Variants in EBI3 observed in about 807,000 individuals in gnomAD.
EBI3 encodes the protein Epstein-Barr virus induced 3.
In EBI3, 19 loss-of-function variants were observed where a neutral mutation model predicts 21.3. The observed-to-expected ratio is 0.89, with a 90% CI of 0.62 to 1.31. EBI3 has a LOEUF of 1.31. EBI3 is among the 50% of genes most tolerant of loss of function. EBI3 has a pLI of 0.00. For synonymous variants in EBI3, 154 were observed against 131.2 expected (o/e 1.17, Z -1.19); for missense variants, 331 against 314.0 (o/e 1.05, Z -0.41).
At chr19:4,232,241 A>G (rs28856901) in intron 2 of EBI3, among the ~76,000 whole-genome samples, 205 of 93,482 alleles carry the variant, frequency 2.2e-3, no homozygotes, top group East Asian at 5.7e-3. Flanking sequence ...AAAAAAAAAA[A>G]AAAAGAAAAG....
At chr19:4,233,814 C>T (rs1970813074) in intron 3 of EBI3, among the ~76,000 whole-genome samples, 1 of 152,212 alleles carries the variant, frequency 6.6e-6, no homozygotes, top group Admixed American at 6.5e-5. Context: ...GGAACACCTT[C>T]CCCCAAATGT....
At chr19:4,231,074 A>G in intron 1 of EBI3, 117 bp from the exon 2 acceptor site, 1 of 1,358,822 alleles carries the variant, frequency 7.4e-7, no homozygotes, top group Non-Finnish European at 9.7e-7. Context: ...GAAAGCCTTT[A>G]TTAGGCACCT....
At chr19:4,229,901 C>T (rs1461223586) in intron 1 of EBI3, among the ~76,000 whole-genome samples, 2 of 152,096 alleles carry the variant, frequency 1.3e-5, no homozygotes, top group Non-Finnish European at 2.9e-5. Context: ...GAATTTGAGT[C>T]ACACTCATTC....
rs1412418297 is a variant in EBI3 at position 4,234,702 on chromosome 19, C to A, written c.415C>A (p.Pro139Thr). The A allele has an allele frequency of 1.2e-6, 2 of 1,614,144 alleles. No homozygotes were observed. Among genetic ancestry groups the A allele is most frequent in the African/African-American group, 2.7e-5 (2 of 75,066 alleles). Residue 139 changes from proline to threonine, a missense_variant, in exon 4 of 5, where the codon CCC becomes ACC. By Grantham distance (38) the Pro-to-Thr change is conservative. Coordinates refer to ENST00000221847, the MANE Select transcript of EBI3 (RefSeq NM_005755.3). ...CCCTCCAGAAGGCGTGCGCCTAAGC[C>A]CCCTCGCTGAGCGCCAGCTACAGGT... ...PDPPEGVRLS[P>T]LAERQLQVQW...
chr19:4,231,335 TG>T lies in EBI3; in HGVS notation c.200+14del. ...ATTGCCACGTACAGGTCGGAGAGCC[TG>T]GAAGGGGGCCTCAGGGACACTGGAC... On this transcript the variant is annotated intron_variant, in intron 2 of 4. Coordinates refer to ENST00000221847, the MANE Select transcript of EBI3 (RefSeq NM_005755.3). 6.3e-7 allele frequency: 1 copy of T among 1,597,266 alleles called. No homozygotes were observed. Among genetic ancestry groups the T allele is most frequent in the Non-Finnish European group, 8.5e-7 (1 of 1,174,070 alleles).
At position 4,237,053 on chromosome 19, in the gene EBI3, C is replaced by A; in HGVS notation, c.655C>A (p.Leu219Ile). Residue 219 changes from leucine to isoleucine, a missense_variant, in exon 5 of 5, where the codon CTC (leucine) becomes ATC (isoleucine). Transcript: ENST00000221847. ...TDYGELSDWS[L>I]PATATMSLGK ...CTACGGGGAACTGAGTGACTGGAGTCTCCCCGCCACTGCCACAATGAGCCT... is the reference window on the plus strand; with the variant it reads ...CTACGGGGAACTGAGTGACTGGAGTATCCCCGCCACTGCCACAATGAGCCT... 6.5e-7 allele frequency: 1 copy of A among 1,543,954 alleles called. No individual in the cohort carries two copies. Among genetic ancestry groups the A allele is most frequent in the South Asian group, 1.2e-5 (1 of 81,350 alleles).
At chr19:4,234,605 G>T (rs1599488649) in intron 3 of EBI3, 62 bp from the exon 4 acceptor site, 1 of 1,563,016 alleles carries the variant, frequency 6.4e-7, no homozygotes, top group Non-Finnish European at 8.7e-7. Context: ...TTGAATGAAT[G>T]AGTGAATGAA....
chr19:4,236,818 T>G (rs1357168397), intron 4 of EBI3, 118 bp from the exon 5 acceptor site: 20 of 1,229,678 alleles, frequency 1.6e-5, no homozygotes, highest in South Asian at 2.1e-5. Flanking sequence ...GGGGCCAGAG[T>G]CCTGGACTGG....
intron 4 of EBI3, among the ~76,000 whole-genome samples, chr19:4,236,543 A>AAAAAAAAAAAAAAAAAAAC (rs869283945): frequency 6.7e-6 from 1 of 149,674 alleles, no homozygotes; most frequent in African/African-American, 2.5e-5. Flanking sequence ...AAAAAAAAAA[A>AAAAAAAAAAAAAAAAAAAC]GCATGGTTAA....
rs897696037 is a variant in EBI3 at position 4,234,957 on chromosome 19, C to A, written c.537+133C>A. On this transcript the variant is annotated intron_variant, in intron 4 of 4. Coordinates refer to ENST00000221847, the MANE Select transcript of EBI3 (RefSeq NM_005755.3). The stretch of plus-strand genomic sequence containing the variant: ...GGTGCATTGAATAAGAGCAGTCCAG[C>A]AATCTGATTCCTAGGCCTCTACCGA... 12 of 1,300,754 alleles carry A rather than the reference C, an allele frequency of 9.2e-6. No individual in the cohort carries two copies. In the East Asian group the frequency reaches 2.6e-4, roughly 29 times the overall value. The allele number at this position is 1,300,754 out of a possible 1,614,324, so 80.6% of individuals were successfully genotyped here.
chr19:4,236,723 A>G (rs1970841580), intron 4 of EBI3, among the ~76,000 whole-genome samples: 1 of 151,948 alleles, frequency 6.6e-6, no homozygotes, highest in South Asian at 2.1e-4. Context: ...AAGGATTCGT[A>G]AGAGAGGTGG....
chr19:4,236,152 G>T (rs781595537), intron 4 of EBI3, among the ~76,000 whole-genome samples: 6 of 152,020 alleles, frequency 3.9e-5, no homozygotes, highest in South Asian at 2.1e-4. Context: ...TCAGGAATTC[G>T]AGAACAGCCT....
chr19:4,229,724 T>C (rs1168267788), intron 1 of EBI3, 107 bp downstream of exon 1: 3 of 1,186,512 alleles, frequency 2.5e-6, no homozygotes, highest in Non-Finnish European at 3.5e-6. Flanking sequence ...CCGTGCCCAA[T>C]GGTGGGATGG....
intron 2 of EBI3, among the ~76,000 whole-genome samples, chr19:4,231,606 C>T (rs1184263558): frequency 2.7e-5 from 4 of 146,678 alleles, no homozygotes; most frequent in African/African-American, 7.6e-5. Flanking sequence ...ACTGTCTCTA[C>T]GAAAAATTTT....
rs1192536707 is a variant in EBI3 at position 4,237,129 on chromosome 19, G to C, written c.*41G>C. On this transcript the variant is annotated 3_prime_UTR_variant, in exon 5 of 5. Coordinates refer to ENST00000221847, the MANE Select transcript of EBI3 (RefSeq NM_005755.3). ...GCCTCCAGACAGCACCTGGGTCCTC[G>C]CCACCCTAAGCCCCGGGACACCTGT... The C allele has an allele frequency of 1.2e-5, 17 of 1,419,272 alleles. 1 individual carries two copies. Among genetic ancestry groups the C allele is most frequent in the Non-Finnish European group, 1.3e-5 (14 of 1,076,032 alleles). The allele number at this position is 1,419,272 out of a possible 1,614,324, so 87.9% of individuals were successfully genotyped here.
At chr19:4,232,853 A>G (rs2144676022) in intron 2 of EBI3, among the ~76,000 whole-genome samples, 1 of 152,286 alleles carries the variant, frequency 6.6e-6, no homozygotes, top group East Asian at 1.9e-4. Context: ...TGAATGAATG[A>G]ATGCTGACAT....
At chr19:4,233,046 G>C in intron 2 of EBI3, 83 bp from the exon 3 acceptor site, 1 of 1,387,416 alleles carries the variant, frequency 7.2e-7, no homozygotes, top group Non-Finnish European at 9.4e-7. Context: ...CCTCTCCTTG[G>C]GGTCCCGGGT....
intron 4 of EBI3, among the ~76,000 whole-genome samples, chr19:4,236,543 A>AAAAAAAAAAG (rs869283945): frequency 6.7e-6 from 1 of 149,674 alleles, no homozygotes; most frequent in Non-Finnish European, 1.5e-5. Flanking sequence ...AAAAAAAAAA[A>AAAAAAAAAAG]GCATGGTTAA....
chr19:4,234,829 G>C lies in EBI3; in HGVS notation c.537+5G>C. 1.2e-6 allele frequency: 2 copies of C among 1,613,422 alleles called. No homozygotes were observed. Among genetic ancestry groups the C allele is most frequent in the Non-Finnish European group, 1.7e-6 (2 of 1,179,548 alleles). ...GGAGCTGCGCGCTTCCACCGGGTGA[G>C]GAGGATGAGGGGGAGGCTGGAAAGG... On this transcript the variant is annotated splice_donor_5th_base_variant and intron_variant, in intron 4 of 4. Transcript: ENST00000221847.
Sources: gnomAD v4.1 joint callset for allele counts (sites outside exome capture counted in the v4.1 genomes callset) on GRCh38, gnomAD v4.1.1 for gene constraint, MANE v1.5 for transcripts, NCBI Gene and HGNC (gene_info 2026-07-23, HGNC 2026-07-21) for gene names.